Variants in LHCGR observed in about 807,000 individuals in gnomAD.
The protein encoded by LHCGR is lutropin-choriogonadotropic hormone receptor.
A neutral mutation model predicts 60.7 loss-of-function variants in LHCGR; 55 were observed. That is an observed-to-expected ratio of 0.91 (90% CI 0.73 to 1.13). The LOEUF (loss-of-function observed/expected upper bound fraction) is 1.13, where lower values mean the gene tolerates loss of function less well. Among genes scored for constraint, LHCGR ranks in the 50% most tolerant of loss-of-function variants. The pLI is 0.00. For missense variants in LHCGR, 862 were observed against 836.0 expected, an observed-to-expected ratio of 1.03 and a Z score of -0.38; for synonymous variants, 337 against 316.5, an observed-to-expected ratio of 1.06 and a Z score of -0.69.
At chr2:48,746,944 C>A (rs142190409) in intron 1 of LHCGR, among the ~76,000 whole-genome samples, 3 of 152,304 alleles carry the variant, frequency 2.0e-5, no homozygotes, top group Admixed American at 1.3e-4. Flanking sequence ...GTTGCCAAGG[C>A]AGTGACATTG....
chr2:48,700,136 A>G (rs181143964), intron 8 of LHCGR, among the ~76,000 whole-genome samples: 308 of 152,320 alleles, frequency 2.0e-3, no homozygotes, highest in African/African-American at 7.1e-3. Flanking sequence ...CTGTTGATTT[A>G]GGTAACCAGG....
At chr2:48,731,131 T>TA in intron 2 of LHCGR, 96 bp downstream of exon 2, 1 of 802,208 alleles carries the variant, frequency 1.2e-6, no homozygotes, top group Non-Finnish European at 2.1e-6. Flanking sequence ...ACAATTTCTT[T>TA]CCTAGAAAAA....
chr2:48,716,757 T>G (rs577020184), intron 6 of LHCGR, among the ~76,000 whole-genome samples: 1 of 152,230 alleles, frequency 6.6e-6, no homozygotes, highest in Admixed American at 6.5e-5. Context: ...AATTCCTTTA[T>G]AGCAGTCTCT....
chr2:48,687,857 C>T lies in LHCGR; in HGVS notation c.1940G>A (p.Arg647Gln), dbSNP rs559262616. 1.1e-5 allele frequency: 18 copies of T among 1,613,922 alleles called. No homozygotes were observed. The highest frequency in any genetic ancestry group is 1.1e-4 in the African/African-American group (8 of 74,972). The change falls in exon 11 of 11, where the codon CGG becomes CAG. Residue 647 changes from arginine to glutamine, a missense_variant. Arg to Gln is a conservative substitution (Grantham distance 43). Transcript: ENST00000294954. ...LLSKFGCCKRRAELYRRKDFS... is the reference protein window; with the variant it reads ...LLSKFGCCKRQAELYRRKDFS... ...ATCTTTCCTTCTATAAAGTTCAGCC[C>T]GACGTTTACAGCAGCCAAATTTGCT...
intron 1 of LHCGR, among the ~76,000 whole-genome samples, chr2:48,752,248 T>C (rs1469721315): frequency 6.6e-6 from 1 of 152,236 alleles, no homozygotes; most frequent in Non-Finnish European, 1.5e-5. Context: ...TAAGCAGCTA[T>C]AATCCATGTA....
chr2:48,687,610 C>T lies in LHCGR; in HGVS notation c.*87G>A. 5.3e-6 allele frequency: 6 copies of T among 1,140,982 alleles called. No homozygotes were observed. The highest frequency in any genetic ancestry group is 7.9e-6 in the Non-Finnish European group (6 of 758,608). 70.7% of individuals were successfully genotyped at this position (1,140,982 alleles called of 1,614,324 possible). On this transcript the variant is annotated 3_prime_UTR_variant, in exon 11 of 11. Transcript: ENST00000294954. ...CTAAAAATAAATAATTTCCTAAATC[C>T]AACCCTTTATGTTAAAATTACTGGT...
At chr2:48,728,231 C>T (rs72807948) in intron 3 of LHCGR, among the ~76,000 whole-genome samples, 22,960 of 152,020 alleles carry the variant, frequency 0.15, 2,399 homozygotes, top group East Asian at 0.42. Context: ...GGTCAAGTTT[C>T]TGTGCCTTTC....
chr2:48,731,307 G>T lies in LHCGR; in HGVS notation c.162-9C>A. ...GGAGGTAGGCAAGTGATCTAGAAAAGAAAAAAGGAAATCCAAGAGTTTAAG... is the reference window on the plus strand; with the variant it reads ...GGAGGTAGGCAAGTGATCTAGAAAATAAAAAAGGAAATCCAAGAGTTTAAG... On this transcript the variant is annotated splice_polypyrimidine_tract_variant and intron_variant, in intron 1 of 10. Transcript: ENST00000294954. 1 of 1,601,214 alleles carries T rather than the reference G, an allele frequency of 6.2e-7. No individual in the cohort carries two copies. Among genetic ancestry groups the T allele is most frequent in the Non-Finnish European group, 8.5e-7 (1 of 1,170,886 alleles).
chr2:48,743,542 T>G (rs1376317879), intron 1 of LHCGR, among the ~76,000 whole-genome samples: 1 of 152,094 alleles, frequency 6.6e-6, no homozygotes, highest in East Asian at 1.9e-4. Flanking sequence ...GTTCAACACA[T>G]GCAAATCAAT....
intron 1 of LHCGR, among the ~76,000 whole-genome samples, chr2:48,750,560 T>G (rs371644077): frequency 1.3e-5 from 2 of 152,296 alleles, no homozygotes; most frequent in South Asian, 2.1e-4. Flanking sequence ...TTTTCTCACT[T>G]CCCCATTTTC....
In LHCGR at chr2:48,688,360, T is replaced by G. The variant is rs777928360; in HGVS notation, c.1437A>C (p.Arg479=). ...TYAIHLDQKL[R]LRHAILIMLG... is the part of the protein sequence containing the mutation. ...GCATAATCAGAATGGCATGTCTTAA[T>G]CGCAGCTTTTGGTCCAGGTGAATAG... The change falls in exon 11 of 11, where the codon CGA becomes CGC. Residue 479 remains arginine, a synonymous_variant. Transcript: ENST00000294954. The surrounding 1 kb of genome is among the most constrained non-coding windows in gnomAD (Gnocchi z 5.2). The G allele has an allele frequency of 4.3e-6, 7 of 1,614,164 alleles. No individual in the cohort carries two copies. The East Asian group carries it at 1.6e-4, about 36-fold the overall frequency.
In LHCGR at chr2:48,731,215, T is replaced by G. The variant is rs201976591; in HGVS notation, c.233+12A>C. 23 of 1,567,208 alleles carry G rather than the reference T, an allele frequency of 1.5e-5. No homozygotes were observed. The highest frequency in any genetic ancestry group is 2.0e-5 in the Non-Finnish European group (23 of 1,138,286). ...ATTACGAATGTCTTTTGATATGCAGTAACTTACTTACATTTTTATGACCTC... is the reference window on the plus strand; with the variant it reads ...ATTACGAATGTCTTTTGATATGCAGGAACTTACTTACATTTTTATGACCTC... On this transcript the variant is annotated intron_variant, in intron 2 of 10. Transcript: ENST00000294954.
At chr2:48,709,891 G>A (rs1667895410) in intron 7 of LHCGR, among the ~76,000 whole-genome samples, 1 of 152,148 alleles carries the variant, frequency 6.6e-6, no homozygotes, top group Non-Finnish European at 1.5e-5. Flanking sequence ...GCTCAAGTCT[G>A]CCAGCCTTCT....
intron 3 of LHCGR, among the ~76,000 whole-genome samples, chr2:48,727,963 A>T (rs1348864620): frequency 6.6e-6 from 1 of 152,216 alleles, no homozygotes; most frequent in African/African-American, 2.4e-5. Flanking sequence ...TCTGGGATTG[A>T]ACCCCAGTCC....
chr2:48,696,928 G>T (rs1477267400), intron 9 of LHCGR, among the ~76,000 whole-genome samples: 2 of 152,140 alleles, frequency 1.3e-5, no homozygotes, highest in Non-Finnish European at 2.9e-5. Context: ...TTTCCTAATT[G>T]TTCTCTCACC....
chr2:48,694,337 G>A (rs1003819594), intron 9 of LHCGR, 33 bp from the exon 10 acceptor site: 4 of 1,380,552 alleles, frequency 2.9e-6, no homozygotes, highest in Admixed American at 3.6e-5. Flanking sequence ...AAGCATTTGA[G>A]CTTTTGGACT....
At chr2:48,732,514 G>T (rs1278516853) in intron 1 of LHCGR, among the ~76,000 whole-genome samples, 1 of 152,126 alleles carries the variant, frequency 6.6e-6, no homozygotes, top group Non-Finnish European at 1.5e-5. Flanking sequence ...ACTCAACAAT[G>T]GTGTGAGGTG....
intron 1 of LHCGR, among the ~76,000 whole-genome samples, chr2:48,745,079 A>G (rs1669637259): frequency 1.3e-5 from 2 of 152,352 alleles, no homozygotes; most frequent in African/African-American, 4.8e-5. Context: ...TATGCAGCCA[A>G]AAAACACATG....
chr2:48,737,793 G>T (rs1401391295), intron 1 of LHCGR, among the ~76,000 whole-genome samples: 1 of 152,182 alleles, frequency 6.6e-6, no homozygotes, highest in African/African-American at 2.4e-5. Flanking sequence ...ATTGTTGATT[G>T]CTCCCTGCAG....
Sources: gnomAD v4.1 joint callset for allele counts (sites outside exome capture counted in the v4.1 genomes callset) on GRCh38, gnomAD v4.1.1 for gene constraint, Gnocchi (gnomAD v3.1) non-coding constraint, MANE v1.5 for transcripts, NCBI Gene and HGNC (gene_info 2026-07-23, HGNC 2026-07-21) for gene names.